DTWD2: variants seen among roughly 807,000 people sequenced by gnomAD.
DTWD2 encodes DTW motif tRNA-uridine aminocarboxypropyltransferase 2, also known as tRNA-uridine aminocarboxypropyltransferase 2.
DTWD2 carries 39 observed loss-of-function variants against 31.8 expected under a neutral mutation model. The observed-to-expected ratio is 1.22, with a 90% CI of 0.95 to 1.60. DTWD2 has a LOEUF of 1.60. Ranked by LOEUF, DTWD2 falls within the 40% of genes most tolerant of loss-of-function variation. The pLI, the probability that DTWD2 is intolerant of heterozygous loss-of-function variation, is 0.00. For missense variants in DTWD2, 515 were observed against 381.5 expected, an observed-to-expected ratio of 1.35 and a Z score of -2.92; for synonymous variants, 180 against 142.8, an observed-to-expected ratio of 1.26 and a Z score of -1.86.
In DTWD2 at chr5:118,836,245, T is replaced by G. The variant is rs1000062637; in HGVS notation, c.*4672A>C. ...TCAAGTGAATCTTATTTTTATTTAT[T>G]TATTTATTTATTTGAGACACTGTCT... On this transcript the variant is annotated 3_prime_UTR_variant, in exon 6 of 6. Transcript: ENST00000510708. Among the ~76,000 whole-genome samples, 2 of 152,160 alleles carry G rather than the reference T, an allele frequency of 1.3e-5. No individual in the cohort carries two copies. Among genetic ancestry groups the G allele is most frequent in the African/African-American group, 2.4e-5 (1 of 41,418 alleles).
chr5:118,961,407 A>G (rs190075715), intron 1 of DTWD2, among the ~76,000 whole-genome samples: 9 of 152,328 alleles, frequency 5.9e-5, no homozygotes, highest in Non-Finnish European at 1.3e-4. Flanking sequence ...TTTGTCTTAA[A>G]TATTACTTAG....
intron 4 of DTWD2, among the ~76,000 whole-genome samples, chr5:118,856,764 C>CT (rs68175368): frequency 0.43 from 19,035 of 44,160 alleles, 4,940 homozygotes; most frequent in East Asian, 0.68. Flanking sequence ...TTGAGGCTTA[C>CT]TTTTTTTTTT....
intron 4 of DTWD2, among the ~76,000 whole-genome samples, chr5:118,915,434 G>A (rs1298932383): frequency 1.3e-5 from 2 of 151,136 alleles, no homozygotes; most frequent in African/African-American, 4.9e-5. Flanking sequence ...GAGTGCAGTG[G>A]CGCAATCTCG....
chr5:118,967,381 A>T (rs1754876329), intron 1 of DTWD2, among the ~76,000 whole-genome samples: 1 of 152,204 alleles, frequency 6.6e-6, no homozygotes, highest in Non-Finnish European at 1.5e-5. Flanking sequence ...CAGTAGCAAT[A>T]AGCACACCAA....
At chr5:118,938,663 A>C (rs1449507721) in intron 3 of DTWD2, among the ~76,000 whole-genome samples, 2 of 152,056 alleles carry the variant, frequency 1.3e-5, no homozygotes, top group Non-Finnish European at 2.9e-5. Context: ...GCAGTGAGCC[A>C]AAATTGCACC....
intron 3 of DTWD2, among the ~76,000 whole-genome samples, chr5:118,935,591 T>A (rs940239759): frequency 4.6e-5 from 7 of 152,190 alleles, no homozygotes; most frequent in Admixed American, 4.6e-4. Flanking sequence ...GTTTTCTGTG[T>A]TGAAGTTTGT....
intron 4 of DTWD2, among the ~76,000 whole-genome samples, chr5:118,896,139 C>G (rs1432909900): frequency 6.6e-6 from 1 of 152,132 alleles, no homozygotes; most frequent in Non-Finnish European, 1.5e-5. Context: ...GAAACAGCCA[C>G]TGACAGGATT....
intron 1 of DTWD2, among the ~76,000 whole-genome samples, chr5:118,956,377 T>C (rs897000385): frequency 6.6e-6 from 1 of 152,226 alleles, no homozygotes; most frequent in Non-Finnish European, 1.5e-5. Flanking sequence ...AATAAGCTTT[T>C]TCTTCTTTTC....
intron 1 of DTWD2, among the ~76,000 whole-genome samples, chr5:118,964,174 C>T (rs1462758236): frequency 1.4e-5 from 2 of 147,682 alleles, no homozygotes; most frequent in Non-Finnish European, 3.0e-5. Flanking sequence ...GCCGAGATTG[C>T]ACCACTACAC....
intron 4 of DTWD2, among the ~76,000 whole-genome samples, chr5:118,864,640 TA>T (rs1430536769): frequency 1.4e-5 from 2 of 146,658 alleles, no homozygotes; most frequent in African/African-American, 2.7e-5. Context: ...TATTTTATTT[TA>T]TTTTTTTTTT....
At chr5:118,867,091 T>C (rs1004239762) in intron 4 of DTWD2, among the ~76,000 whole-genome samples, 1 of 152,078 alleles carries the variant, frequency 6.6e-6, no homozygotes, top group Non-Finnish European at 1.5e-5. Flanking sequence ...CTAAATATTC[T>C]ACTAATCTAC....
At chr5:118,845,697 T>A (rs1050802667) in intron 5 of DTWD2, among the ~76,000 whole-genome samples, 4 of 152,182 alleles carry the variant, frequency 2.6e-5, no homozygotes, top group Non-Finnish European at 4.4e-5. Context: ...TTTGGGACTT[T>A]ATGTTTAATT....
chr5:118,891,524 C>G (rs1752977096), intron 4 of DTWD2, among the ~76,000 whole-genome samples: 2 of 152,198 alleles, frequency 1.3e-5, no homozygotes, highest in Non-Finnish European at 2.9e-5. Flanking sequence ...ACAGCCTACT[C>G]TCAATTGTGG....
intron 4 of DTWD2, among the ~76,000 whole-genome samples, chr5:118,905,779 C>T (rs1459376965): frequency 1.3e-5 from 2 of 152,038 alleles, no homozygotes; most frequent in African/African-American, 2.4e-5. Flanking sequence ...TATCTCTTCC[C>T]ACCCTTCATG....
chr5:118,890,031 A>G (rs559133004), intron 4 of DTWD2, among the ~76,000 whole-genome samples: 41 of 152,326 alleles, frequency 2.7e-4, no homozygotes, highest in African/African-American at 9.6e-4. Context: ...TAAAATATCA[A>G]TAAATAATAC....
At position 118,969,685 on chromosome 5, in the gene DTWD2, G is replaced by A. The variant is rs1053597732; in HGVS notation, c.218+18609C>T. 4.6e-5 allele frequency among the ~76,000 whole-genome samples: 7 copies of A among 152,054 alleles called. No individual in the cohort carries two copies. The South Asian group carries it at 1.5e-3, about 32-fold the overall frequency. ...GATCCCACAAAAACACCATTCAAAGGTCAGCAACCTCAAAGATAGAAGGTA... is the reference window on the plus strand; with the variant it reads ...GATCCCACAAAAACACCATTCAAAGATCAGCAACCTCAAAGATAGAAGGTA... On this transcript the variant is annotated intron_variant, in intron 1 of 5. Coordinates refer to ENST00000510708, the MANE Select transcript of DTWD2 (RefSeq NM_173666.4).
At chr5:118,962,453 C>A (rs569414601) in intron 1 of DTWD2, among the ~76,000 whole-genome samples, 1 of 152,016 alleles carries the variant, frequency 6.6e-6, no homozygotes, top group East Asian at 1.9e-4. Context: ...ATTCCCATCA[C>A]GAGGCAATTT....
At chr5:118,944,701 A>G (rs746566303) in intron 1 of DTWD2, 52 bp from the exon 2 acceptor site, 9 of 1,561,660 alleles carry the variant, frequency 5.8e-6, no homozygotes, top group Middle Eastern at 2.2e-4. Context: ...ATACAATGAT[A>G]TAACAATTTT....
At chr5:118,917,262 T>G (rs1753598347) in intron 4 of DTWD2, among the ~76,000 whole-genome samples, 1 of 151,920 alleles carries the variant, frequency 6.6e-6, no homozygotes, top group African/African-American at 2.4e-5. Context: ...TGAAAGAAAA[T>G]AAGAAGGACA....
Sources: allele counts gnomAD v4.1 joint callset (sites outside exome capture counted in the v4.1 genomes callset), GRCh38; gene constraint gnomAD v4.1.1; transcripts MANE v1.5; gene names NCBI Gene and HGNC (gene_info 2026-07-23, HGNC 2026-07-21).